The following ZNF385C variants were observed in gnomAD, a reference collection of about 807,000 sequenced individuals.
ZNF385C encodes the protein zinc finger protein 385C.
A neutral mutation model predicts 35.4 loss-of-function variants in ZNF385C; 28 were observed. The ratio of observed to expected loss-of-function variants is 0.79; its 90% CI spans 0.59 to 1.08. The LOEUF (loss-of-function observed/expected upper bound fraction) is 1.08, where lower values mean the gene tolerates loss of function less well. Ranked by LOEUF, ZNF385C falls within the 50% of genes least tolerant of loss-of-function variation. The pLI, the probability that ZNF385C is intolerant of heterozygous loss-of-function variation, is 0.00. For synonymous variants in ZNF385C, 248 were observed against 248.2 expected (o/e 1.00, Z 0.01); for missense variants, 605 against 595.6 (o/e 1.02, Z -0.16).
chr17:42,040,742 A>G, intron 2 of ZNF385C: 2 of 1,232,352 alleles, frequency 1.6e-6, no homozygotes, highest in Non-Finnish European at 2.0e-6. Flanking sequence ...TCAGGGACCA[A>G]GTGGGAACTA....
At chr17:42,075,683 A>G (rs965741909) in intron 1 of ZNF385C, among the ~76,000 whole-genome samples, 1 of 151,886 alleles carries the variant, frequency 6.6e-6, no homozygotes, top group Non-Finnish European at 1.5e-5. Flanking sequence ...TTTAGTAGAG[A>G]CAGGGTTTCA....
chr17:42,041,185 G>T (rs1216510592), intron 2 of ZNF385C: 1 of 1,232,510 alleles, frequency 8.1e-7, no homozygotes, highest in East Asian at 3.2e-5. Context: ...ACTGGCAATG[G>T]CCACCTGGGA....
intron 4 of ZNF385C, 34 bp downstream of exon 4, chr17:42,034,191 C>G (rs782116650): frequency 2.0e-5 from 31 of 1,520,246 alleles, no homozygotes; most frequent in Non-Finnish European, 2.8e-5. Flanking sequence ...TGCCCAGCCC[C>G]CTCCCCAGAC....
chr17:42,072,768 G>T (rs1352619015), intron 1 of ZNF385C, among the ~76,000 whole-genome samples: 2 of 152,202 alleles, frequency 1.3e-5, no homozygotes, highest in African/African-American at 4.8e-5. Context: ...GGGGCTCAGC[G>T]GTGGGGCTCC....
At position 42,034,994 on chromosome 17, in the gene ZNF385C, G is replaced by A. The variant is rs144092493; in HGVS notation, c.400-659C>T. The stretch of plus-strand genomic sequence containing the variant: ...AAAAATTAGCCAGGTGTGGTGGCAC[G>A]TGCCTGTAGTCTCAGCTACTCAGGA... On this transcript the variant is annotated intron_variant, in intron 3 of 8. Transcript: ENST00000692273. Among the ~76,000 whole-genome samples, 1,123 of 149,796 alleles carry A rather than the reference G, an allele frequency of 7.5e-3. 13 individuals are homozygous for A. Among genetic ancestry groups the A allele is most frequent in the South Asian group, 0.044 (208 of 4,728 alleles).
intron 3 of ZNF385C, among the ~76,000 whole-genome samples, chr17:42,036,335 G>C (rs1479820239): frequency 6.6e-6 from 1 of 151,600 alleles, no homozygotes; most frequent in Non-Finnish European, 1.5e-5. Flanking sequence ...TTCTTCTATA[G>C]AATTAAGGCT....
At chr17:42,042,767 CT>C (rs1232931450) in intron 2 of ZNF385C, 3 of 1,167,844 alleles carry the variant, frequency 2.6e-6, no homozygotes, top group Admixed American at 4.2e-5. Flanking sequence ...CATGCTGGGG[CT>C]GTTCCCAGGT....
chr17:42,039,492 A>C (rs1598183850), intron 2 of ZNF385C: 23 of 353,546 alleles, frequency 6.5e-5, no homozygotes, highest in East Asian at 1.3e-4. Flanking sequence ...ATCTCTGCCC[A>C]CCCGCCCAGG....
intron 2 of ZNF385C, 154 bp from the exon 3 acceptor site, chr17:42,038,039 C>A (rs1184961775): frequency 2.0e-6 from 3 of 1,535,690 alleles, no homozygotes; most frequent in Non-Finnish European, 2.6e-6. Flanking sequence ...TGATTATAGC[C>A]CCCTTCTCTG....
chr17:42,049,575 C>T (rs1555656924), intron 2 of ZNF385C, among the ~76,000 whole-genome samples: 1 of 152,260 alleles, frequency 6.6e-6, no homozygotes, highest in East Asian at 1.9e-4. Flanking sequence ...CTTTGACATC[C>T]TTTCCTCCCA....
chr17:42,058,172 G>A (rs973083782), intron 2 of ZNF385C, among the ~76,000 whole-genome samples: 1 of 152,106 alleles, frequency 6.6e-6, no homozygotes, highest in Non-Finnish European at 1.5e-5. Flanking sequence ...TTGGTGAGGA[G>A]GCTCAGAGAG....
At chr17:42,088,569 C>T (rs1448233824) in intron 1 of ZNF385C, among the ~76,000 whole-genome samples, 2 of 152,252 alleles carry the variant, frequency 1.3e-5, no homozygotes, top group African/African-American at 4.8e-5. Context: ...CCTTCCATCC[C>T]CCACCCCAAC....
intron 1 of ZNF385C, among the ~76,000 whole-genome samples, chr17:42,070,543 C>T (rs1210492796): frequency 2.0e-5 from 3 of 152,054 alleles, no homozygotes; most frequent in African/African-American, 7.2e-5. Context: ...GTCCCTGGAG[C>T]ACAACAGAAA....
At chr17:42,076,011 C>A (rs1354298335) in intron 1 of ZNF385C, among the ~76,000 whole-genome samples, 1 of 152,138 alleles carries the variant, frequency 6.6e-6, no homozygotes, top group Non-Finnish European at 1.5e-5. Flanking sequence ...ATCCCAGCCC[C>A]CGAGTGAATG....
chr17:42,085,503 C>T (rs78200178), intron 1 of ZNF385C, among the ~76,000 whole-genome samples: 2,169 of 147,700 alleles, frequency 0.015, 49 homozygotes, highest in African/African-American at 0.051. Flanking sequence ...CCAGGTTGGT[C>T]TCAAATGCCT....
chr17:42,084,396 G>T (rs1171073722), intron 1 of ZNF385C, among the ~76,000 whole-genome samples: 3 of 151,148 alleles, frequency 2.0e-5, no homozygotes, highest in African/African-American at 7.3e-5. Flanking sequence ...ATTCTGTTTT[G>T]ATGAAGTGTT....
chr17:42,043,217 G>T (rs782010333), intron 2 of ZNF385C: 2 of 1,232,250 alleles, frequency 1.6e-6, no homozygotes, highest in East Asian at 3.2e-5. Context: ...TGCTTGTTCC[G>T]TACCAGGGCC....
At chr17:42,027,310 T>C (rs997670478) in intron 8 of ZNF385C, among the ~76,000 whole-genome samples, 177 bp from the exon 9 acceptor site, 1 of 151,326 alleles carries the variant, frequency 6.6e-6, no homozygotes, top group Non-Finnish European at 1.5e-5. Context: ...CTCCACCACC[T>C]GTCTTCCTGT....
intron 3 of ZNF385C, among the ~76,000 whole-genome samples, chr17:42,037,373 C>G (rs981526177): frequency 2.0e-4 from 24 of 119,964 alleles, no homozygotes; most frequent in African/African-American, 7.7e-4. Flanking sequence ...CAAAAAGGCA[C>G]AGGTTACACA....
Sources: allele counts gnomAD v4.1 joint callset (sites outside exome capture counted in the v4.1 genomes callset), GRCh38; gene constraint gnomAD v4.1.1; transcripts MANE v1.5; gene names NCBI Gene and HGNC (gene_info 2026-07-23, HGNC 2026-07-21).